ABLIM1: variants seen among roughly 807,000 people sequenced by gnomAD.
ABLIM1 encodes the protein actin binding LIM protein 1.
Under a neutral mutation model 107.0 loss-of-function variants are expected in ABLIM1, and 40 were observed. That is an observed-to-expected ratio of 0.37 (90% CI 0.29 to 0.49). The LOEUF (loss-of-function observed/expected upper bound fraction) is 0.49. Among genes scored for constraint, ABLIM1 ranks in the 20% least tolerant of loss-of-function variants. The pLI is 0.97. For missense variants in ABLIM1, 857 were observed against 1,008.5 expected (o/e 0.85, Z 2.04); for synonymous variants, 357 against 357.3 (o/e 1.00, Z 0.01).
intron 1 of ABLIM1, among the ~76,000 whole-genome samples, chr10:114,734,873 C>A (rs116666862): frequency 6.6e-6 from 1 of 152,128 alleles, no homozygotes; most frequent in East Asian, 1.9e-4. Context: ...AGTAAACATA[C>A]GCAAAATAGG....
At position 114,443,541 on chromosome 10, in the gene ABLIM1, G is replaced by A. The variant is rs149792668; in HGVS notation, c.1933+488C>T. On this transcript the variant is annotated intron_variant, in intron 17 of 22. Transcript: ENST00000533213. ...TTGACCAGGCTGGTCTCAAACTCCT[G>A]ACCTCAGGTGATCCGCCTGCCTTGG... 4.4e-4 allele frequency among the ~76,000 whole-genome samples: 67 copies of A among 151,994 alleles called. No homozygotes were observed. In the East Asian group the frequency reaches 0.012, roughly 27 times the overall value.
At chr10:114,787,686 A>G in the ABLIM1 span, among the ~76,000 whole-genome samples, 257 of 40,936 alleles carry the variant, frequency 6.3e-3, no homozygotes, top group Non-Finnish European at 0.01. Context: ...CCGGCCAGCC[A>G]CCCCGTCCGG....
chr10:114,615,997 C>G (rs575111597), intron 1 of ABLIM1, among the ~76,000 whole-genome samples: 8 of 152,236 alleles, frequency 5.3e-5, no homozygotes, highest in Middle Eastern at 3.4e-3. Context: ...CAGAACAGGA[C>G]ATGATGAGTA....
At chr10:114,702,419 C>T (rs527991953) in intron 1 of ABLIM1, among the ~76,000 whole-genome samples, 30 of 151,690 alleles carry the variant, frequency 2.0e-4, no homozygotes, top group Middle Eastern at 6.8e-3. Flanking sequence ...ATAATTTCAA[C>T]GATAAAAGTG....
intron 1 of ABLIM1, among the ~76,000 whole-genome samples, chr10:114,649,716 T>A (rs1007879047): frequency 3.3e-5 from 5 of 152,112 alleles, no homozygotes; most frequent in African/African-American, 7.2e-5. Flanking sequence ...AGGGACAGAA[T>A]CACCCATCTG....
intron 1 of ABLIM1, among the ~76,000 whole-genome samples, chr10:114,671,845 T>G (rs1047370104): frequency 1.3e-5 from 2 of 152,188 alleles, no homozygotes; most frequent in African/African-American, 4.8e-5. Flanking sequence ...TTTTTCTTAT[T>G]GATTTGTAGG....
chr10:114,521,943 G>A (rs1373718837), intron 6 of ABLIM1, among the ~76,000 whole-genome samples: 1 of 152,170 alleles, frequency 6.6e-6, no homozygotes, highest in Non-Finnish European at 1.5e-5. Flanking sequence ...GCAGGTGGAA[G>A]CAACTTTAGC....
chr10:114,576,455 T>C (rs368151149), intron 2 of ABLIM1, among the ~76,000 whole-genome samples: 2 of 152,220 alleles, frequency 1.3e-5, no homozygotes, highest in African/African-American at 4.8e-5. Context: ...CAAGGTCAAC[T>C]GATTCCAATT....
intron 1 of ABLIM1, among the ~76,000 whole-genome samples, chr10:114,672,552 A>C (rs1237466674): frequency 6.6e-6 from 1 of 152,214 alleles, no homozygotes; most frequent in Non-Finnish European, 1.5e-5. Flanking sequence ...AACATAATGT[A>C]ACTATCTTCT....
chr10:114,733,329 A>C (rs552131813), intron 1 of ABLIM1, among the ~76,000 whole-genome samples: 1 of 152,314 alleles, frequency 6.6e-6, no homozygotes, highest in African/African-American at 2.4e-5. Flanking sequence ...TATGCAATAC[A>C]AAGTAGGACC....
intron 1 of ABLIM1, among the ~76,000 whole-genome samples, chr10:114,742,815 G>C (rs1254844663): frequency 6.6e-6 from 1 of 152,144 alleles, no homozygotes; most frequent in Non-Finnish European, 1.5e-5. Flanking sequence ...TATAGTCCCA[G>C]CTACTCAGGA....
intron 2 of ABLIM1, among the ~76,000 whole-genome samples, chr10:114,590,060 T>A (rs1246784005): frequency 6.6e-6 from 1 of 152,200 alleles, no homozygotes; most frequent in Non-Finnish European, 1.5e-5. Flanking sequence ...TATTTAGATA[T>A]GTTTAGATAC....
In ABLIM1 at chr10:114,664,341, C is replaced by T. The variant is rs572109580; in HGVS notation, c.64+19949G>A. Among the ~76,000 whole-genome samples, 15 of 152,196 alleles carry T rather than the reference C, an allele frequency of 9.9e-5. No homozygotes were observed. In the South Asian group the frequency reaches 1.0e-3, roughly 11 times the overall value. The stretch of plus-strand genomic sequence containing the variant: ...GCCTTAATGATGAATAATGTAGGGG[C>T]CCACAAACAGCACACGAATTAGCAG... On this transcript the variant is annotated intron_variant, in intron 1 of 23. Transcript: ENST00000369256.
At position 114,658,238 on chromosome 10, in the gene ABLIM1, G is replaced by T; in HGVS notation, c.-38C>A. 1 of 1,577,976 alleles carries T rather than the reference G, an allele frequency of 6.3e-7. No homozygotes were observed. The highest frequency in any genetic ancestry group is 8.6e-7 in the Non-Finnish European group (1 of 1,158,270). On this transcript the variant is annotated 5_prime_UTR_variant, in exon 1 of 23. Transcript: ENST00000533213. ...TTCCAAGCAATGAGAAATGGGGAGT[G>T]GGGACCCAAGGAGCGGTGCTGCCCC...
At chr10:114,439,285 A>G in intron 20 of ABLIM1, 35 bp from the exon 21 acceptor site, 1 of 1,612,566 alleles carries the variant, frequency 6.2e-7, no homozygotes, top group Non-Finnish European at 8.5e-7. Context: ...GTGAGGCATG[A>G]AATAGTCTAG....
intron 1 of ABLIM1, among the ~76,000 whole-genome samples, chr10:114,616,713 C>T (rs1301636257): frequency 1.3e-5 from 2 of 152,182 alleles, no homozygotes; most frequent in Non-Finnish European, 2.9e-5. Flanking sequence ...TAATCTGTTA[C>T]TAAACTCCAT....
At chr10:114,579,607 T>A (rs968232792) in intron 2 of ABLIM1, among the ~76,000 whole-genome samples, 1 of 152,174 alleles carries the variant, frequency 6.6e-6, no homozygotes, top group Admixed American at 6.5e-5. Context: ...TAACAAAAAA[T>A]TTACCATCTT....
chr10:114,455,590 T>C (rs896265743), intron 12 of ABLIM1, among the ~76,000 whole-genome samples: 2 of 152,186 alleles, frequency 1.3e-5, no homozygotes, highest in African/African-American at 2.4e-5. Flanking sequence ...TCATTTGTCA[T>C]CATCAGTGCT....
chr10:114,593,913 A>G (rs1008594811), intron 2 of ABLIM1, among the ~76,000 whole-genome samples: 16 of 152,250 alleles, frequency 1.1e-4, no homozygotes, highest in African/African-American at 3.9e-4. Flanking sequence ...ACATGGCAAC[A>G]AATTCAAAAA....
Sources: gnomAD v4.1 joint callset for allele counts (sites outside exome capture counted in the v4.1 genomes callset) on GRCh38, gnomAD v4.1.1 for gene constraint, MANE v1.5 for transcripts, NCBI Gene and HGNC (gene_info 2026-07-23, HGNC 2026-07-21) for gene names.